Variants in FAM91A1 observed in about 807,000 individuals in gnomAD.
FAM91A1 encodes protein FAM91A1.
Under a neutral mutation model 113.5 loss-of-function variants are expected in FAM91A1, and 41 were observed. The observed-to-expected ratio is 0.36, with a 90% CI of 0.28 to 0.47. The LOEUF is 0.47. FAM91A1 is among the 20% of genes least tolerant of loss of function. FAM91A1 has a pLI of 1.00. For missense variants in FAM91A1, 696 were observed against 1,001.2 expected, an observed-to-expected ratio of 0.70 and a Z score of 4.11; for synonymous variants, 307 against 347.9, an observed-to-expected ratio of 0.88 and a Z score of 1.31.
intron 8 of FAM91A1, 101 bp from the exon 9 acceptor site, chr8:123,784,369 C>A: frequency 1.3e-6 from 1 of 783,558 alleles, no homozygotes; most frequent in Admixed American, 3.4e-5. Context: ...TGCATTCAGT[C>A]CCTAAGTTAG....
chr8:123,770,991 C>CT (rs1814823775), intron 1 of FAM91A1, among the ~76,000 whole-genome samples: 2 of 152,326 alleles, frequency 1.3e-5, no homozygotes, highest in South Asian at 2.1e-4. Context: ...TAGAATAGGA[C>CT]TTTCTCTGCA....
chr8:123,786,507 T>A lies in FAM91A1; in HGVS notation c.975T>A (p.Asp325Glu), dbSNP rs1336604498. The A allele has an allele frequency of 6.2e-7, 1 of 1,612,954 alleles. No individual in the cohort carries two copies. Among genetic ancestry groups the A allele is most frequent in the African/African-American group, 1.3e-5 (1 of 74,892 alleles). Residue 325 changes from aspartate (D) to glutamate (E), a missense_variant, in exon 12 of 24, where the codon GAT becomes GAA. Coordinates refer to ENST00000334705, the MANE Select transcript of FAM91A1 (RefSeq NM_144963.4). ...TCTTCATTAATAGGAGTACCTTAGA[T>A]CCACAGAAGATGCTCTTGTCATGGG... Reference protein sequence around the residue: ...PSVNRLKSTLDPQKMLLSWDG... With the variant: ...PSVNRLKSTLEPQKMLLSWDG...
chr8:123,776,109 T>G (rs1383920268), intron 3 of FAM91A1, among the ~76,000 whole-genome samples: 1 of 152,242 alleles, frequency 6.6e-6, no homozygotes, highest in African/African-American at 2.4e-5. Flanking sequence ...GTTAATCTCT[T>G]TCTATAATTA....
chr8:123,780,478 A>T lies in FAM91A1; in HGVS notation c.641-2A>T, dbSNP rs1815092343. On this transcript the variant is annotated splice_acceptor_variant, in intron 7 of 23. Transcript: ENST00000334705. LOFTEE classifies it high-confidence loss of function. ...TAAAACAAGGTACTTTTGTTTCTTC[A>T]GGTTTGTATAACAAAGGATTTATTT... The T allele has an allele frequency of 3.1e-6, 5 of 1,608,824 alleles. No homozygotes were observed. Among genetic ancestry groups the T allele is most frequent in the Non-Finnish European group, 3.4e-6 (4 of 1,177,346 alleles).
chr8:123,769,346 A>G (rs1563633054), intron 1 of FAM91A1, among the ~76,000 whole-genome samples: 1 of 152,218 alleles, frequency 6.6e-6, no homozygotes, highest in Non-Finnish European at 1.5e-5. Context: ...AACATGTCTC[A>G]TGAGTAGCAA....
At chr8:123,798,042 T>A (rs754379631) in intron 15 of FAM91A1, 48 bp from the exon 16 acceptor site, 1 of 1,532,132 alleles carries the variant, frequency 6.5e-7, no homozygotes, top group Non-Finnish European at 8.8e-7. Context: ...CATTTTTGTT[T>A]CACACTCTCA....
intron 15 of FAM91A1, among the ~76,000 whole-genome samples, chr8:123,797,053 C>CT (rs1815539999): frequency 6.6e-6 from 1 of 151,614 alleles, no homozygotes; most frequent in Non-Finnish European, 1.5e-5. Context: ...GAGTGAGACT[C>CT]TGTCTCAAAA....
chr8:123,779,914 A>G (rs759346614), intron 6 of FAM91A1, 71 bp from the exon 7 acceptor site: 18 of 1,279,448 alleles, frequency 1.4e-5, no homozygotes, highest in Non-Finnish European at 1.9e-5. Context: ...TTCAACATAA[A>G]TAAATTTCAG....
intron 14 of FAM91A1, among the ~76,000 whole-genome samples, chr8:123,789,017 A>G (rs1286505876): frequency 1.3e-5 from 2 of 152,152 alleles, no homozygotes; most frequent in African/African-American, 4.8e-5. Context: ...TTAAAAGGTG[A>G]CTTATTCAGA....
Position 123,787,764 on chromosome 8 carries a change from G to T in FAM91A1, c.1278+14G>T. ...GAACTAGAAAAGGTAAATGTAGATTGCATGTAAGGGGATGTTAGGGCATTT... is the reference window on the plus strand; with the variant it reads ...GAACTAGAAAAGGTAAATGTAGATTTCATGTAAGGGGATGTTAGGGCATTT... On this transcript the variant is annotated intron_variant, in intron 14 of 23. Transcript: ENST00000334705. 6.3e-7 allele frequency: 1 copy of T among 1,593,076 alleles called. No individual in the cohort carries two copies. The highest frequency in any genetic ancestry group is 8.6e-7 in the Non-Finnish European group (1 of 1,167,308).
rs1035370711 is a variant in FAM91A1 at position 123,814,666 on chromosome 8, G to A, written c.*1962G>A. ...GTTTCTTGTGTTGAATGAGGCAAGG[G>A]TAATCATCTGATTCCGAGCTGAAGA... is the stretch of plus-strand genomic sequence containing the variant. On this transcript the variant is annotated 3_prime_UTR_variant, in exon 24 of 24. Transcript: ENST00000334705. The A allele has an allele frequency of 7.9e-5, 12 of 152,656 alleles. No homozygotes were observed. The highest frequency in any genetic ancestry group is 2.9e-4 in the African/African-American group (12 of 41,448). 9.5% of individuals were successfully genotyped at this position (152,656 alleles called of 1,614,324 possible).
In FAM91A1 at chr8:123,768,783, G is replaced by T; in HGVS notation, c.72+9G>T. 1 of 1,609,964 alleles carries T rather than the reference G, an allele frequency of 6.2e-7. No homozygotes were observed. Among genetic ancestry groups the T allele is most frequent in the Non-Finnish European group, 8.5e-7 (1 of 1,178,214 alleles). ...CGGCCAACGTGAGACAGGTACGGCC[G>T]GAACCTGGGACCGGGCCCCTGACGG... On this transcript the variant is annotated intron_variant, in intron 1 of 23. Coordinates refer to ENST00000334705, the MANE Select transcript of FAM91A1 (RefSeq NM_144963.4).
At chr8:123,802,483 T>C (rs1005955974) in intron 18 of FAM91A1, among the ~76,000 whole-genome samples, 4 of 151,886 alleles carry the variant, frequency 2.6e-5, no homozygotes, top group Non-Finnish European at 4.4e-5. Flanking sequence ...GGAAGTGATA[T>C]CATGGGAGGT....
At chr8:123,802,534 A>G (rs1245239217) in intron 18 of FAM91A1, among the ~76,000 whole-genome samples, 4 of 152,176 alleles carry the variant, frequency 2.6e-5, no homozygotes, top group African/African-American at 4.8e-5. Context: ...GGAAGAGCAC[A>G]TTTATGGGGC....
intron 13 of FAM91A1, 83 bp downstream of exon 13, chr8:123,787,456 T>A (rs1815286987): frequency 2.6e-6 from 3 of 1,153,690 alleles, no homozygotes; most frequent in African/African-American, 3.1e-5. Flanking sequence ...ATATCTTTTT[T>A]AAAGTACTAC....
At chr8:123,771,539 A>T (rs1814837446) in intron 1 of FAM91A1, among the ~76,000 whole-genome samples, 1 of 152,214 alleles carries the variant, frequency 6.6e-6, no homozygotes, top group Non-Finnish European at 1.5e-5. Context: ...ATTTAAAAAA[A>T]TGTGGTATGG....
intron 3 of FAM91A1, among the ~76,000 whole-genome samples, chr8:123,775,617 A>G (rs1814964026): frequency 6.6e-6 from 1 of 152,120 alleles, no homozygotes; most frequent in Non-Finnish European, 1.5e-5. Flanking sequence ...GCTTTTTAAA[A>G]CGTGATTAAG....
rs761525109 is a variant in FAM91A1 at position 123,786,633 on chromosome 8, A to G, written c.1078+23A>G. On this transcript the variant is annotated intron_variant, in intron 12 of 23. Coordinates refer to ENST00000334705, the MANE Select transcript of FAM91A1 (RefSeq NM_144963.4). ...CAGGTTAGCAGTAACTCAGTTTAAC[A>G]TAGAGTCTGTCTGTAGGTACGGCAC... is the stretch of plus-strand genomic sequence containing the variant. The G allele has an allele frequency of 3.1e-5, 49 of 1,562,154 alleles. No homozygotes were observed. The Middle Eastern group carries it at 5.0e-4, about 16-fold the overall frequency.
Position 123,815,372 on chromosome 8 carries a change from A to AC in FAM91A1, c.*2668_*2669insC, listed in dbSNP as rs1816048274. The AC allele has an allele frequency of 6.6e-6, 1 of 152,580 alleles. No homozygotes were observed. The highest frequency in any genetic ancestry group is 6.5e-5 in the Admixed American group (1 of 15,268). The allele number at this position is 152,580 out of a possible 1,614,324, so 9.5% of individuals were successfully genotyped here. A position where few individuals can be genotyped will look rare whatever the true frequency, so the allele number is the denominator to read the frequency against. ...ATGTTAATATTATACAATGAAATCT[A>AC]TAAAGTGTTGTCAATTTGATTATTG... On this transcript the variant is annotated 3_prime_UTR_variant, in exon 24 of 24. Transcript: ENST00000334705.
Sources: allele counts gnomAD v4.1 joint callset (sites outside exome capture counted in the v4.1 genomes callset), GRCh38; gene constraint gnomAD v4.1.1; transcripts MANE v1.5; gene names NCBI Gene and HGNC (gene_info 2026-07-23, HGNC 2026-07-21).